The following IFT88 variants were observed in gnomAD, a reference collection of about 807,000 sequenced individuals.
IFT88 encodes the protein intraflagellar transport protein 88 homolog.
Under a neutral mutation model 119.5 loss-of-function variants are expected in IFT88, and 74 were observed. The ratio of observed to expected loss-of-function variants is 0.62; its 90% CI spans 0.51 to 0.75. IFT88 has a LOEUF of 0.75. Among genes scored for constraint, IFT88 ranks in the 30% least tolerant of loss-of-function variants. The pLI is 0.00. For synonymous variants in IFT88, 279 were observed against 316.7 expected, an observed-to-expected ratio of 0.88 and a Z score of 1.26; for missense variants, 961 against 977.7, an observed-to-expected ratio of 0.98 and a Z score of 0.23.
In IFT88 at chr13:20,653,902, T is replaced by A; in HGVS notation, c.1976T>A (p.Met659Lys). The change falls in exon 21 of 26, where the codon ATG becomes AAG. Residue 659 changes from methionine (M) to lysine (K), a missense_variant. By Grantham distance (95) the Met-to-Lys change is moderately conservative. Coordinates refer to ENST00000351808, the MANE Select transcript of IFT88 (RefSeq NM_006531.5). ...IQPTQVKWQL[M>K]VASCFRRSGN... ...CCTACACAAGTGAAATGGCAGCTGA[T>A]GGTAGCTAGTTGTTTCAGAAGAAGT... The A allele has an allele frequency of 1.3e-6, 2 of 1,585,518 alleles. No individual in the cohort carries two copies. The highest frequency in any genetic ancestry group is 1.7e-6 in the Non-Finnish European group (2 of 1,165,168).
intron 16 of IFT88, among the ~76,000 whole-genome samples, chr13:20,637,345 G>T (rs1484588246): frequency 6.6e-6 from 1 of 152,206 alleles, no homozygotes; most frequent in African/African-American, 2.4e-5. Flanking sequence ...TATGGGAAAA[G>T]GGGCATGGGA....
chr13:20,628,959 C>T (rs751146723), intron 15 of IFT88, among the ~76,000 whole-genome samples: 3 of 151,714 alleles, frequency 2.0e-5, no homozygotes, highest in African/African-American at 4.8e-5. Flanking sequence ...TGTAAATGGC[C>T]GCTTCTAAAA....
intron 3 of IFT88, among the ~76,000 whole-genome samples, chr13:20,583,977 A>G (rs766088932): frequency 9.9e-5 from 15 of 152,062 alleles, no homozygotes; most frequent in Non-Finnish European, 1.8e-4. Context: ...ATGCTGTTCT[A>G]TTGGTCTATT....
At chr13:20,625,913 G>T in intron 15 of IFT88, 64 bp downstream of exon 15, 1 of 700,046 alleles carries the variant, frequency 1.4e-6, no homozygotes, top group Non-Finnish European at 2.4e-6. Flanking sequence ...ATTAAAAACA[G>T]GTAAACTCCT....
At chr13:20,671,104 A>G in intron 24 of IFT88, 65 bp downstream of exon 24, 1 of 1,267,224 alleles carries the variant, frequency 7.9e-7, no homozygotes, top group Non-Finnish European at 1.1e-6. Flanking sequence ...GCTTCTGGAA[A>G]CATCTTGCAA....
intron 13 of IFT88, among the ~76,000 whole-genome samples, chr13:20,615,494 C>T (rs1395474046): frequency 2.6e-5 from 4 of 152,142 alleles, no homozygotes; most frequent in East Asian, 1.9e-4. Context: ...ACGTAAGTTC[C>T]GCTGCAGGGC....
intron 1 of IFT88, chr13:20,567,692 A>G (rs2035171912): frequency 1.7e-6 from 2 of 1,170,622 alleles, no homozygotes; most frequent in South Asian, 3.6e-5. Flanking sequence ...AAATTGCCTG[A>G]TGAAAGTTGA....
At chr13:20,673,184 C>A (rs1284807219) in intron 24 of IFT88, among the ~76,000 whole-genome samples, 1 of 152,210 alleles carries the variant, frequency 6.6e-6, no homozygotes, top group Non-Finnish European at 1.5e-5. Context: ...GAATAACCAA[C>A]CAGTTCCTTC....
chr13:20,603,971 G>A (rs1224329073), intron 12 of IFT88, among the ~76,000 whole-genome samples: 1 of 152,180 alleles, frequency 6.6e-6, no homozygotes, highest in Non-Finnish European at 1.5e-5. Flanking sequence ...GAGGTGGGAG[G>A]ATCATCTAAG....
intron 17 of IFT88, 27 bp downstream of exon 17, chr13:20,638,545 T>G (rs1566302045): frequency 7.5e-7 from 1 of 1,335,022 alleles, no homozygotes. Flanking sequence ...GAAATTGCTT[T>G]TTAAATTATT....
At chr13:20,660,649 C>G (rs1458541698) in intron 22 of IFT88, among the ~76,000 whole-genome samples, 4 of 152,114 alleles carry the variant, frequency 2.6e-5, no homozygotes, top group Non-Finnish European at 5.9e-5. Flanking sequence ...GTATCAGTGC[C>G]AGCACTTGCT....
intron 20 of IFT88, among the ~76,000 whole-genome samples, chr13:20,652,149 TTGCACAACATTGTG>T (rs2051841772): frequency 6.6e-6 from 1 of 152,078 alleles, no homozygotes; most frequent in South Asian, 2.1e-4. Flanking sequence ...GTGGTGATGG[TTGCACAACATTGTG>T]AATGTGATAA....
intron 16 of IFT88, among the ~76,000 whole-genome samples, chr13:20,635,182 CT>C (rs1156961499): frequency 6.6e-6 from 1 of 152,094 alleles, no homozygotes; most frequent in Non-Finnish European, 1.5e-5. Flanking sequence ...GCCACATTTT[CT>C]TAATCCATTC....
intron 20 of IFT88, among the ~76,000 whole-genome samples, chr13:20,646,406 G>A (rs1279366606): frequency 4.0e-5 from 6 of 151,540 alleles, no homozygotes; most frequent in East Asian, 1.9e-4. Flanking sequence ...AGGTTTAAGC[G>A]ATTCTCCTGC....
chr13:20,582,876 A>T, intron 2 of IFT88, 81 bp from the exon 3 acceptor site: 1 of 1,030,122 alleles, frequency 9.7e-7, no homozygotes, highest in Non-Finnish European at 1.5e-6. Context: ...GAGGCTCTTG[A>T]GTACCAAACA....
At chr13:20,629,133 A>G (rs1379406230) in intron 15 of IFT88, among the ~76,000 whole-genome samples, 1 of 152,154 alleles carries the variant, frequency 6.6e-6, no homozygotes, top group Non-Finnish European at 1.5e-5. Flanking sequence ...AGTTACACCT[A>G]TTCAAGTGCC....
intron 3 of IFT88, 52 bp from the exon 4 acceptor site, chr13:20,589,759 A>G (rs1475061888): frequency 3.7e-6 from 4 of 1,088,688 alleles, no homozygotes; most frequent in African/African-American, 1.5e-5. Flanking sequence ...CCAGTTTTCT[A>G]TTATATAGCT....
At chr13:20,607,668 T>C (rs2043746101) in intron 13 of IFT88, 1 of 881,672 alleles carries the variant, frequency 1.1e-6, no homozygotes, top group African/African-American at 1.6e-5. Flanking sequence ...CTCTCAGCTT[T>C]CCTGGTCAGC....
chr13:20,613,899 C>T lies in IFT88; in HGVS notation c.1113-1894C>T, dbSNP rs1051195904. On this transcript the variant is annotated intron_variant, in intron 13 of 25. Transcript: ENST00000351808. ...GAAAGAAGCCAGTCACAAAAGACCA[C>T]GTTTTATGATTCTGTTTATATGAAA... Among the ~76,000 whole-genome samples, 58 of 152,088 alleles carry T rather than the reference C, an allele frequency of 3.8e-4. No individual in the cohort carries two copies. In the Middle Eastern group the frequency reaches 0.017, roughly 45 times the overall value.
Sources: gnomAD v4.1 joint callset for allele counts (sites outside exome capture counted in the v4.1 genomes callset) on GRCh38, gnomAD v4.1.1 for gene constraint, MANE v1.5 for transcripts, NCBI Gene and HGNC (gene_info 2026-07-23, HGNC 2026-07-21) for gene names.